Variants in TF observed in about 807,000 individuals in gnomAD.
TF encodes the protein transferrin.
A neutral mutation model predicts 82.4 loss-of-function variants in TF; 55 were observed. The observed-to-expected ratio is 0.67, with a 90% CI of 0.54 to 0.84. The LOEUF (loss-of-function observed/expected upper bound fraction) is 0.84, where lower values mean the gene tolerates loss of function less well. Among genes scored for constraint, TF ranks in the 40% least tolerant of loss-of-function variants. The probability of loss-of-function intolerance (pLI) is 0.00; values close to 1 mark genes in which losing one functional copy is unlikely to be tolerated. For synonymous variants in TF, 332 were observed against 332.6 expected (o/e 1.00, Z 0.02); for missense variants, 737 against 868.4 (o/e 0.85, Z 1.90).
chr3:133,688,714 A>T, the TF span, among the ~76,000 whole-genome samples: 1 of 152,234 alleles, frequency 6.6e-6, no homozygotes, highest in Non-Finnish European at 1.5e-5. Context: ...TATTATTACT[A>T]AATGTTTTTG....
the TF span, among the ~76,000 whole-genome samples, chr3:133,729,218 G>A: frequency 2.0e-5 from 3 of 152,228 alleles, no homozygotes; most frequent in South Asian, 2.1e-4. Context: ...AGTCTGCAGA[G>A]GTTACTGCTG....
At position 133,779,925 on chromosome 3, in the gene TF, G is replaced by A. The variant is rs1934480973; in HGVS notation, c.*1305G>A. 6.6e-6 allele frequency: 1 copy of A among 152,178 alleles called. No individual in the cohort carries two copies. Among genetic ancestry groups the A allele is most frequent in the Admixed American group, 6.5e-5 (1 of 15,268 alleles). The allele number at this position is 152,178 out of a possible 1,614,324, so 9.4% of individuals were successfully genotyped here. ...TACCCAATCACATAAGCCATAAATAGAGGGGTGAAATTTCAGTTCGCCATT... is the reference window on the plus strand; with the variant it reads ...TACCCAATCACATAAGCCATAAATAAAGGGGTGAAATTTCAGTTCGCCATT... On this transcript the variant is annotated 3_prime_UTR_variant, in exon 17 of 17. Transcript: ENST00000402696.
Position 133,748,431 on chromosome 3 carries a change from T to C in TF, c.63T>C (p.Pro21=), listed in dbSNP as rs1164385554. Residue 21 remains proline (P), a synonymous_variant, in exon 2 of 17, where the codon CCT becomes CCC. Transcript: ENST00000402696. ...CCCCAGGGCTGTGTCTGGCTGTCCC[T>C]GATAAAACTGTGAGATGGTGTGCAG... ...CAVLGLCLAV[P]DKTVRWCAVS... The C allele has an allele frequency of 1.2e-6, 2 of 1,614,000 alleles. No homozygotes were observed. Among genetic ancestry groups the C allele is most frequent in the African/African-American group, 2.7e-5 (2 of 74,900 alleles).
the TF span, among the ~76,000 whole-genome samples, chr3:133,720,983 C>T: frequency 1.3e-5 from 2 of 151,920 alleles, no homozygotes; most frequent in Admixed American, 1.3e-4. Context: ...TGAATCTTCT[C>T]TTGTTTTCTT....
At chr3:133,764,345 A>G (rs1440889858) in intron 10 of TF, 70 bp downstream of exon 10, 1 of 1,307,286 alleles carries the variant, frequency 7.6e-7, no homozygotes, top group Non-Finnish European at 1.1e-6. Flanking sequence ...TGGAAAAATC[A>G]CAGTCTGATT....
intron 11 of TF, among the ~76,000 whole-genome samples, chr3:133,765,806 C>G (rs1934112757): frequency 6.6e-6 from 1 of 152,252 alleles, no homozygotes; most frequent in Middle Eastern, 3.4e-3. Flanking sequence ...TTGACATTTT[C>G]CATTTTGCAT....
chr3:133,731,210 A>C, the TF span, among the ~76,000 whole-genome samples: 1 of 152,180 alleles, frequency 6.6e-6, no homozygotes, highest in Non-Finnish European at 1.5e-5. Context: ...GACTCTGTTC[A>C]GCTTAACCAG....
chr3:133,694,873 TATTTATTTA>T, the TF span, among the ~76,000 whole-genome samples: 2 of 112,826 alleles, frequency 1.8e-5, no homozygotes, highest in Non-Finnish European at 4.1e-5. Context: ...TTTATTTATT[TATTTATTTA>T]TTTATTATTA....
chr3:133,714,695 G>GT, the TF span, among the ~76,000 whole-genome samples: 2 of 151,726 alleles, frequency 1.3e-5, no homozygotes, highest in Non-Finnish European at 2.9e-5. Flanking sequence ...TTGTTTGTTT[G>GT]TTTTTTTGAT....
chr3:133,714,501 A>G, the TF span, among the ~76,000 whole-genome samples: 1 of 152,334 alleles, frequency 6.6e-6, no homozygotes, highest in East Asian at 1.9e-4. Flanking sequence ...ATTACATTAA[A>G]TCTGGATGAA....
At chr3:133,728,587 C>T in the TF span, among the ~76,000 whole-genome samples, 1 of 152,136 alleles carries the variant, frequency 6.6e-6, no homozygotes, top group African/African-American at 2.4e-5. Context: ...AACTTCTTTG[C>T]CTTTGGTTTG....
the TF span, among the ~76,000 whole-genome samples, chr3:133,731,508 G>A: frequency 4.6e-5 from 7 of 152,180 alleles, no homozygotes; most frequent in African/African-American, 1.7e-4. Flanking sequence ...TGGTCTCTCA[G>A]GGTGTATTTT....
At chr3:133,711,167 A>G in the TF span, among the ~76,000 whole-genome samples, 3 of 152,226 alleles carry the variant, frequency 2.0e-5, no homozygotes, top group East Asian at 3.9e-4. Context: ...CTTTTTCCCA[A>G]TCTCAACGGA....
chr3:133,758,564 T>C (rs1159407515), intron 8 of TF, among the ~76,000 whole-genome samples: 3 of 152,182 alleles, frequency 2.0e-5, no homozygotes, highest in Admixed American at 2.0e-4. Context: ...GTAAGAGATA[T>C]GTTTAAAAGG....
intron 2 of TF, among the ~76,000 whole-genome samples, chr3:133,753,135 T>G (rs1246402741): frequency 2.0e-5 from 3 of 151,980 alleles, no homozygotes; most frequent in African/African-American, 7.3e-5. Context: ...TGAGCAAAGG[T>G]CATGGGCTAG....
chr3:133,682,565 C>T, the TF span, among the ~76,000 whole-genome samples: 1 of 152,150 alleles, frequency 6.6e-6, no homozygotes, highest in African/African-American at 2.4e-5. Context: ...GACGCATGCA[C>T]AAGCTTCAGT....
the TF span, among the ~76,000 whole-genome samples, chr3:133,663,684 T>A: frequency 6.6e-6 from 1 of 152,182 alleles, no homozygotes; most frequent in Non-Finnish European, 1.5e-5. Flanking sequence ...GTTCAGGGAC[T>A]GTGTCACTTG....
chr3:133,683,812 G>A, the TF span, among the ~76,000 whole-genome samples: 2 of 152,120 alleles, frequency 1.3e-5, no homozygotes, highest in Non-Finnish European at 1.5e-5. Context: ...AAGTTAACAA[G>A]GATATCCAGG....
At chr3:133,674,746 A>T in the TF span, among the ~76,000 whole-genome samples, 1 of 151,584 alleles carries the variant, frequency 6.6e-6, no homozygotes, top group Non-Finnish European at 1.5e-5. Flanking sequence ...ACCCTGCGCG[A>T]CAACCGGACA....
Sources: gnomAD v4.1 joint callset for allele counts (sites outside exome capture counted in the v4.1 genomes callset) on GRCh38, gnomAD v4.1.1 for gene constraint, MANE v1.5 for transcripts, NCBI Gene and HGNC (gene_info 2026-07-23, HGNC 2026-07-21) for gene names.